CNNM2: variants seen among roughly 807,000 people sequenced by gnomAD.
CNNM2 encodes the protein metal transporter CNNM2.
Under a neutral mutation model 66.9 loss-of-function variants are expected in CNNM2, and 12 were observed. The observed-to-expected ratio is 0.18, with a 90% CI of 0.11 to 0.29. The LOEUF is 0.29. CNNM2 is among the 10% of genes least tolerant of loss of function. The probability of loss-of-function intolerance (pLI) is 1.00; values close to 1 mark genes in which losing one functional copy is unlikely to be tolerated. For synonymous variants in CNNM2, 557 were observed against 501.8 expected (o/e 1.11, Z -1.47); for missense variants, 705 against 1,167.7 (o/e 0.60, Z 5.77).
chr10:102,987,351 C>T (rs574948420), intron 1 of CNNM2, among the ~76,000 whole-genome samples: 9 of 152,176 alleles, frequency 5.9e-5, no homozygotes, highest in Admixed American at 2.6e-4. Flanking sequence ...GACGGAGTCT[C>T]GCTCTGTCAC....
chr10:103,001,020 C>T (rs1409061504), intron 1 of CNNM2, among the ~76,000 whole-genome samples: 1 of 152,192 alleles, frequency 6.6e-6, no homozygotes, highest in Admixed American at 6.6e-5. Flanking sequence ...GGAAGAAATT[C>T]TGACATATGC....
intron 1 of CNNM2, among the ~76,000 whole-genome samples, chr10:103,014,301 G>A (rs1335852204): frequency 1.3e-5 from 2 of 152,220 alleles, no homozygotes; most frequent in African/African-American, 4.8e-5. Context: ...TGATACTAAC[G>A]ATGGTGATAA....
chr10:102,936,740 G>A (rs1222216257), intron 1 of CNNM2, among the ~76,000 whole-genome samples: 1 of 152,114 alleles, frequency 6.6e-6, no homozygotes, highest in African/African-American at 2.4e-5. Context: ...TTAACCAACA[G>A]TGACTATCTT....
At chr10:103,068,535 C>A in intron 4 of CNNM2, 94 bp from the exon 5 acceptor site, 1 of 1,030,888 alleles carries the variant, frequency 9.7e-7, no homozygotes, top group Non-Finnish European at 1.5e-6. Context: ...GAAAAGAAAT[C>A]AGACAAAAAT....
chr10:102,956,635 C>T (rs1423612181), intron 1 of CNNM2, among the ~76,000 whole-genome samples: 1 of 152,170 alleles, frequency 6.6e-6, no homozygotes, highest in Non-Finnish European at 1.5e-5. Context: ...GAATACTGTG[C>T]AGCCATAAAA....
At chr10:102,949,410 G>A (rs1564817374) in intron 1 of CNNM2, among the ~76,000 whole-genome samples, 1 of 151,326 alleles carries the variant, frequency 6.6e-6, no homozygotes, top group East Asian at 2.0e-4. Context: ...CCCGACCTCA[G>A]GTAATCCGCC....
intron 4 of CNNM2, among the ~76,000 whole-genome samples, chr10:103,066,486 C>T (rs962097290): frequency 5.9e-5 from 9 of 152,322 alleles, no homozygotes; most frequent in African/African-American, 1.7e-4. Flanking sequence ...CTCTGTTCCT[C>T]CACCCAGGAC....
intron 1 of CNNM2, among the ~76,000 whole-genome samples, chr10:103,045,602 G>A (rs1237496832): frequency 1.9e-5 from 2 of 107,468 alleles, no homozygotes; most frequent in African/African-American, 3.5e-5. Context: ...CCCCGCCACC[G>A]CCACCAAGAA....
chr10:103,008,744 A>C (rs1206165358), intron 1 of CNNM2, among the ~76,000 whole-genome samples: 5 of 132,096 alleles, frequency 3.8e-5, no homozygotes, highest in African/African-American at 1.5e-4. Context: ...AAGCCACTTC[A>C]CTCCAGCCTG....
At chr10:102,948,805 G>A (rs1460807712) in intron 1 of CNNM2, among the ~76,000 whole-genome samples, 1 of 152,180 alleles carries the variant, frequency 6.6e-6, no homozygotes, top group African/African-American at 2.4e-5. Flanking sequence ...CAGCTGGGTG[G>A]TTGGGATGGG....
chr10:102,920,375 TA>T (rs1211954623), intron 1 of CNNM2, among the ~76,000 whole-genome samples: 1 of 150,962 alleles, frequency 6.6e-6, no homozygotes, highest in Non-Finnish European at 1.5e-5. Flanking sequence ...GACACTTATT[TA>T]TTTTTTTTTT....
chr10:103,020,031 G>A (rs1014951479), intron 1 of CNNM2, among the ~76,000 whole-genome samples: 1 of 152,038 alleles, frequency 6.6e-6, no homozygotes, highest in Non-Finnish European at 1.5e-5. Flanking sequence ...TGTTACTCGT[G>A]TGGTTTTTTT....
rs11191513 is a variant in CNNM2 at position 103,013,227 on chromosome 10, T to G, written c.1622-36480T>G. Among the ~76,000 whole-genome samples the G allele has an allele frequency of 0.31, 46,897 of 152,010 alleles. 7,381 individuals are homozygous for G. Among genetic ancestry groups the G allele is most frequent in the Middle Eastern group, 0.36 (105 of 292 alleles). ...TTGTCAAATCCAGACACCTTCAAAG[T>G]AAGGATAAAAACCCAGGGAATGTTA... On this transcript the variant is annotated intron_variant, in intron 1 of 7. Transcript: ENST00000369878.
intron 1 of CNNM2, among the ~76,000 whole-genome samples, chr10:102,980,210 T>C (rs1213586908): frequency 6.6e-6 from 1 of 152,204 alleles, no homozygotes; most frequent in East Asian, 1.9e-4. Context: ...CCCAGAGTGC[T>C]GGGATTACAG....
chr10:103,070,264 C>T (rs539212812), intron 5 of CNNM2, among the ~76,000 whole-genome samples: 1 of 152,180 alleles, frequency 6.6e-6, no homozygotes, highest in Non-Finnish European at 1.5e-5. Flanking sequence ...CTTACCTAGG[C>T]ATGAGAAGAC....
At chr10:102,961,237 G>A (rs919272709) in intron 1 of CNNM2, among the ~76,000 whole-genome samples, 1 of 152,092 alleles carries the variant, frequency 6.6e-6, no homozygotes, top group Non-Finnish European at 1.5e-5. Context: ...TTACCTCTGC[G>A]TTGTCATTCT....
At position 103,080,384 on chromosome 10, in the gene CNNM2, G is replaced by A. The variant is rs760595285; in HGVS notation, c.*3204G>A. ...TTCACTGCTTGTCCCATATGCGTCA[G>A]GCAAATTCAAAATCATACATTTAAA... On this transcript the variant is annotated 3_prime_UTR_variant, in exon 8 of 8. Transcript: ENST00000369878. 6.6e-5 allele frequency: 10 copies of A among 152,246 alleles called. No individual in the cohort carries two copies. The highest frequency in any genetic ancestry group is 1.0e-4 in the Non-Finnish European group (7 of 68,066). 9.4% of individuals were successfully genotyped at this position (152,246 alleles called of 1,614,324 possible). A position where few individuals can be genotyped will look rare whatever the true frequency, so the allele number is the denominator to read the frequency against.
chr10:102,951,319 C>T (rs1439649812), intron 1 of CNNM2, among the ~76,000 whole-genome samples: 2 of 152,028 alleles, frequency 1.3e-5, no homozygotes. Flanking sequence ...GCCTCAGCCT[C>T]CTGAGTATCT....
chr10:102,989,377 T>C (rs561815646), intron 1 of CNNM2, among the ~76,000 whole-genome samples: 3 of 152,022 alleles, frequency 2.0e-5, no homozygotes, highest in Admixed American at 1.3e-4. Context: ...TTTTTTTCAT[T>C]CTTCTTTTTT....
Sources: gnomAD v4.1 joint callset for allele counts (sites outside exome capture counted in the v4.1 genomes callset) on GRCh38, gnomAD v4.1.1 for gene constraint, MANE v1.5 for transcripts, NCBI Gene and HGNC (gene_info 2026-07-23, HGNC 2026-07-21) for gene names.